Variants in XKR6 observed in about 807,000 individuals in gnomAD.
XKR6 encodes the protein XK-related protein 6.
Under a neutral mutation model 56.7 loss-of-function variants are expected in XKR6, and 22 were observed. The observed-to-expected ratio is 0.39, with a 90% CI of 0.28 to 0.55. The LOEUF (loss-of-function observed/expected upper bound fraction) is 0.55, where lower values mean the gene tolerates loss of function less well. XKR6 is among the 20% of genes least tolerant of loss of function. The pLI is 0.66. For synonymous variants in XKR6, 524 were observed against 387.8 expected (o/e 1.35, Z -4.13); for missense variants, 852 against 889.0 (o/e 0.96, Z 0.53).
At chr8:10,967,383 T>C (rs1384495031) in intron 1 of XKR6, among the ~76,000 whole-genome samples, 1 of 152,306 alleles carries the variant, frequency 6.6e-6, no homozygotes, top group East Asian at 1.9e-4. Context: ...GCCCTCTCTC[T>C]AGCCCTTCTT....
intron 1 of XKR6, among the ~76,000 whole-genome samples, chr8:10,928,975 C>G (rs1280671806): frequency 1.3e-5 from 2 of 152,190 alleles, no homozygotes; most frequent in Non-Finnish European, 2.9e-5. Flanking sequence ...GCCACGTGTC[C>G]TCATGGAGCA....
At chr8:11,123,963 C>T (rs1216954242) in intron 1 of XKR6, 3 of 456,022 alleles carry the variant, frequency 6.6e-6, no homozygotes, top group Admixed American at 2.3e-5. Context: ...TCCAGTGCTA[C>T]CTGCTCAGAG....
Position 11,175,842 on chromosome 8 carries a change from G to A in XKR6, c.764+24734C>T, listed in dbSNP as rs78336324. Among the ~76,000 whole-genome samples, 1,465 of 152,186 alleles carry A rather than the reference G, an allele frequency of 9.6e-3. 27 individuals carry two copies. The highest frequency in any genetic ancestry group is 0.034 in the African/African-American group (1,392 of 41,510). On this transcript the variant is annotated intron_variant, in intron 1 of 2. Transcript: ENST00000416569. ...CATCCGTCCGTCAACAGTCCCCAAGGTGCTAATCAGCATTCATCATGATCC... is the reference window on the plus strand; with the variant it reads ...CATCCGTCCGTCAACAGTCCCCAAGATGCTAATCAGCATTCATCATGATCC...
chr8:10,937,472 G>A (rs1409991198), intron 1 of XKR6, among the ~76,000 whole-genome samples: 322 of 138,110 alleles, frequency 2.3e-3, no homozygotes, highest in South Asian at 9.0e-3. Flanking sequence ...AGGAGGAGAG[G>A]CGCTCTGCGT....
At position 11,107,531 on chromosome 8, in the gene XKR6, A is replaced by G. The variant is rs145124366; in HGVS notation, c.764+93045T>C. 1.4e-4 allele frequency among the ~76,000 whole-genome samples: 21 copies of G among 152,252 alleles called. No homozygotes were observed. The South Asian group carries it at 1.7e-3, about 12-fold the overall frequency. On this transcript the variant is annotated intron_variant, in intron 1 of 2. Transcript: ENST00000416569. ...TGTGCTCGACGTTATCCCCACATTT[A>G]TATCAACCAGCAGGGAGAAGTGGTG...
chr8:11,200,246 G>T lies in XKR6; in HGVS notation c.764+330C>A, dbSNP rs994541950. Among the ~76,000 whole-genome samples, 1 of 152,218 alleles carries T rather than the reference G, an allele frequency of 6.6e-6. No homozygotes were observed. Among genetic ancestry groups the T allele is most frequent in the Non-Finnish European group, 1.5e-5 (1 of 68,040 alleles). On this transcript the variant is annotated intron_variant, in intron 1 of 2. Coordinates refer to ENST00000416569, the MANE Select transcript of XKR6 (RefSeq NM_173683.4). This position sits in a 1 kb window ranked among gnomAD's most constrained non-coding sequence, Gnocchi z 6.4. The stretch of plus-strand genomic sequence containing the variant: ...TGGGGTGCAGCCCAGGGCGCCCGCA[G>T]CTGGTTACCTCGGGAGGCAGGGAAA...
intron 1 of XKR6, among the ~76,000 whole-genome samples, chr8:11,182,029 C>A (rs1462468603): frequency 6.6e-6 from 1 of 152,230 alleles, no homozygotes; most frequent in Admixed American, 6.5e-5. Context: ...AAGCGATCCG[C>A]TCGCTTCCCA....
In XKR6 at chr8:11,097,807, C is replaced by CAAAAAA. The variant is rs1196874380; in HGVS notation, c.764+102763_764+102768dup. 6.2e-3 allele frequency among the ~76,000 whole-genome samples: 387 copies of CAAAAAA among 62,908 alleles called. 4 individuals carry two copies. The highest frequency in any genetic ancestry group is 0.019 in the African/African-American group (331 of 17,062). The allele number at this position is 62,908 out of a possible 152,430, so 41.3% of individuals were successfully genotyped here. A position where few individuals can be genotyped will look rare whatever the true frequency, so the allele number is the denominator to read the frequency against. ...GGGGGACAAGAGCTAGACTCCATCT[C>CAAAAAA]AAAAAAAAAAAAAAAAAAAAATTAT... On this transcript the variant is annotated intron_variant, in intron 1 of 2. Transcript: ENST00000416569.
intron 2 of XKR6, among the ~76,000 whole-genome samples, chr8:10,909,088 C>A (rs1800270946): frequency 6.6e-6 from 1 of 151,846 alleles, no homozygotes; most frequent in Admixed American, 6.6e-5. Context: ...ATTGTTTGAA[C>A]TGGGGAGGTG....
At chr8:10,958,476 G>A (rs573160703) in intron 1 of XKR6, among the ~76,000 whole-genome samples, 1 of 152,364 alleles carries the variant, frequency 6.6e-6, no homozygotes, top group East Asian at 1.9e-4. Flanking sequence ...ACTCAGGGCA[G>A]GGGTCATCCT....
At chr8:11,047,433 T>C (rs962986341) in intron 1 of XKR6, among the ~76,000 whole-genome samples, 2 of 152,250 alleles carry the variant, frequency 1.3e-5, no homozygotes, top group Non-Finnish European at 2.9e-5. Context: ...GTGATTCCAC[T>C]ACTGTGTACA....
At chr8:11,190,120 G>A (rs370407797) in intron 1 of XKR6, among the ~76,000 whole-genome samples, 250 of 149,634 alleles carry the variant, frequency 1.7e-3, no homozygotes, top group African/African-American at 5.7e-3. Context: ...TCGCGCCACC[G>A]CACTCCAGCC....
chr8:10,988,584 G>A (rs1797917331), intron 1 of XKR6, among the ~76,000 whole-genome samples: 1 of 152,160 alleles, frequency 6.6e-6, no homozygotes, highest in South Asian at 2.1e-4. Flanking sequence ...ACACAGAAAC[G>A]AGAGCTACTG....
intron 1 of XKR6, among the ~76,000 whole-genome samples, chr8:11,162,214 C>G (rs1421201756): frequency 6.6e-6 from 1 of 152,164 alleles, no homozygotes; most frequent in Non-Finnish European, 1.5e-5. Flanking sequence ...GTAGAGAAAG[C>G]TGGGAAAGTT....
At chr8:11,101,854 CTTT>C (rs1798497476) in intron 1 of XKR6, among the ~76,000 whole-genome samples, 1 of 152,070 alleles carries the variant, frequency 6.6e-6, no homozygotes, top group African/African-American at 2.4e-5. Context: ...GTGGCTCACC[CTTT>C]AAGGCCCCAT....
intron 1 of XKR6, among the ~76,000 whole-genome samples, chr8:11,152,177 C>T (rs1348199512): frequency 6.6e-6 from 1 of 152,104 alleles, no homozygotes; most frequent in Non-Finnish European, 1.5e-5. Flanking sequence ...AATCTTAGGG[C>T]CTGAATGCTA....
chr8:11,130,703 T>C (rs907382146), intron 1 of XKR6, among the ~76,000 whole-genome samples: 1 of 151,790 alleles, frequency 6.6e-6, no homozygotes, highest in Non-Finnish European at 1.5e-5. Flanking sequence ...AAGGTACAGA[T>C]TGTGTATCTT....
intron 1 of XKR6, among the ~76,000 whole-genome samples, chr8:11,084,999 T>A (rs1451824169): frequency 6.6e-6 from 1 of 152,176 alleles, no homozygotes; most frequent in Non-Finnish European, 1.5e-5. Flanking sequence ...ACCACCTGCA[T>A]CCAGGTGCAC....
intron 1 of XKR6, among the ~76,000 whole-genome samples, chr8:11,024,205 GTGT>G (rs1798810458): frequency 1.4e-4 from 1 of 7,196 alleles, no homozygotes; most frequent in African/African-American, 2.9e-4. Context: ...CTGTTAGGAG[GTGT>G]GTGTGTGTGT....
Sources: allele counts gnomAD v4.1 joint callset (sites outside exome capture counted in the v4.1 genomes callset), GRCh38; gene constraint gnomAD v4.1.1; non-coding constraint Gnocchi (gnomAD v3.1); transcripts MANE v1.5; gene names NCBI Gene and HGNC (gene_info 2026-07-23, HGNC 2026-07-21).